The following PAQR3 variants were observed in gnomAD, a reference collection of about 807,000 sequenced individuals.
PAQR3 encodes the protein Raf kinase trapping to Golgi.
In PAQR3, 39 loss-of-function variants were observed where a neutral mutation model predicts 41.7. The observed-to-expected ratio is 0.93, with a 90% CI of 0.72 to 1.22. PAQR3 has a LOEUF of 1.22. Ranked by LOEUF, PAQR3 falls within the 50% of genes most tolerant of loss-of-function variation. The pLI is 0.00. For missense variants in PAQR3, 366 were observed against 385.6 expected, an observed-to-expected ratio of 0.95 and a Z score of 0.42; for synonymous variants, 140 against 140.6, an observed-to-expected ratio of 1.00 and a Z score of 0.03.
chr4:78,902,638 C>T (rs1424472755), intron 11 of PAQR3, among the ~76,000 whole-genome samples: 1 of 152,110 alleles, frequency 6.6e-6, no homozygotes, highest in African/African-American at 2.4e-5. Context: ...CTTCTATAAT[C>T]TGATAGGTAA....
chr4:78,923,798 T>C (rs1321537492), intron 5 of PAQR3, 59 bp downstream of exon 5: 3 of 1,106,664 alleles, frequency 2.7e-6, no homozygotes, highest in African/African-American at 1.5e-5. Flanking sequence ...CTCTGATGCA[T>C]ATACCTTGGG....
chr4:78,923,934 C>G lies in PAQR3; in HGVS notation c.716G>C (p.Arg239Pro), dbSNP rs545126211. The G allele has an allele frequency of 6.2e-6, 10 of 1,612,746 alleles. No individual in the cohort carries two copies. The highest frequency in any genetic ancestry group is 8.5e-6 in the Non-Finnish European group (10 of 1,179,012). The change falls in exon 5 of 6, where the codon CGT (arginine) becomes CCT (proline). Residue 239 changes from arginine to proline, a missense_variant. Coordinates refer to ENST00000512733, the MANE Select transcript of PAQR3 (RefSeq NM_001040202.2). ...AGCAATCATATACATCACAATTACA[C>G]GGGGTGCAAAGTCCTGAAAAGCAGA... ...GAPIVQDFAP[R>P]VIVMYMIALL...
Position 78,916,227 on chromosome 4 carries a change from T to C in PAQR3, c.*4312A>G, listed in dbSNP as rs1460240157. ...ACTTTATTGCCTTTACACTGCTTAT[T>C]CTTTTTGACTGAATTCTGTCCCTGA... is the stretch of plus-strand genomic sequence containing the variant. On this transcript the variant is annotated 3_prime_UTR_variant, in exon 6 of 6. Coordinates refer to ENST00000512733, the MANE Select transcript of PAQR3 (RefSeq NM_001040202.2). 1 of 151,984 alleles carries C rather than the reference T, an allele frequency of 6.6e-6. No individual in the cohort carries two copies. The highest frequency in any genetic ancestry group is 2.4e-5 in the African/African-American group (1 of 41,446). The allele number at this position is 151,984 out of a possible 1,614,324, so 9.4% of individuals were successfully genotyped here.
intron 1 of PAQR3, among the ~76,000 whole-genome samples, chr4:78,937,978 T>C (rs146181590): frequency 2.6e-5 from 4 of 152,324 alleles, no homozygotes; most frequent in African/African-American, 9.6e-5. Flanking sequence ...CGCTTCAAGT[T>C]GTGAATCCTA....
intron 2 of PAQR3, among the ~76,000 whole-genome samples, chr4:78,934,363 G>A (rs887948439): frequency 1.3e-5 from 2 of 152,182 alleles, no homozygotes; most frequent in African/African-American, 2.4e-5. Flanking sequence ...GCAGCAACAG[G>A]CTAACTGCAG....
In PAQR3 at chr4:78,921,648, GACCCATCAAATGCC is replaced by G. The variant is rs888067940; in HGVS notation, c.794-981_794-968del. On this transcript the variant is annotated intron_variant, in intron 5 of 5. Coordinates refer to ENST00000512733, the MANE Select transcript of PAQR3 (RefSeq NM_001040202.2). ...TCCATGGACACCTTGGGGACCCTTGGACCCATCAAATGCCACTGTGTTGTGTATACATTTTTAAA... is the reference window on the plus strand; with the variant it reads ...TCCATGGACACCTTGGGGACCCTTGGACTGTGTTGTGTATACATTTTTAAA... 5.1e-6 allele frequency: 5 copies of G among 979,160 alleles called. No homozygotes were observed. In the African/African-American group the frequency reaches 8.8e-5, roughly 17 times the overall value. The allele number at this position is 979,160 out of a possible 1,614,324, so 60.7% of individuals were successfully genotyped here.
chr4:78,919,964 A>G lies in PAQR3; in HGVS notation c.*575T>C. ...AAAGCTTTTGTTCTGGAAAACTAAA[A>G]TATCTAATGTTCTTAGGGAGAGAAG... On this transcript the variant is annotated 3_prime_UTR_variant, in exon 6 of 6. Coordinates refer to ENST00000512733, the MANE Select transcript of PAQR3 (RefSeq NM_001040202.2). 3 of 985,328 alleles carry G rather than the reference A, an allele frequency of 3.0e-6. No individual in the cohort carries two copies. Among genetic ancestry groups the G allele is most frequent in the Non-Finnish European group, 3.6e-6 (3 of 829,548 alleles). The allele number at this position is 985,328 out of a possible 1,614,324, so 61.0% of individuals were successfully genotyped here.
In PAQR3 at chr4:78,918,252, TATAAAAACA is replaced by T. The variant is rs200185704; in HGVS notation, c.*2278_*2286del. The T allele has an allele frequency of 5.8e-4, 539 of 930,844 alleles. 5 individuals are homozygous for T. The African/African-American group carries it at 7.4e-3, about 13-fold the overall frequency. 57.7% of individuals were successfully genotyped at this position (930,844 alleles called of 1,614,324 possible). Reference sequence around the variant, plus strand: ...AGTATATTTTAATCTTACTTTAATCTATAAAAACAAAAATAACTTAAATATACATCATTA... The same window carrying T: ...AGTATATTTTAATCTTACTTTAATCTAAAATAACTTAAATATACATCATTA... On this transcript the variant is annotated 3_prime_UTR_variant, in exon 6 of 6. Transcript: ENST00000512733.
chr4:78,932,527 C>T (rs1019264910), intron 2 of PAQR3, among the ~76,000 whole-genome samples: 2 of 152,134 alleles, frequency 1.3e-5, no homozygotes, highest in African/African-American at 4.8e-5. Flanking sequence ...GCTATGCATA[C>T]ACAAACATAC....
At chr4:78,894,782 T>A (rs759754358) in intron 11 of PAQR3, among the ~76,000 whole-genome samples, 7 of 152,230 alleles carry the variant, frequency 4.6e-5, no homozygotes, top group Non-Finnish European at 1.0e-4. Flanking sequence ...TTCAGCGTGC[T>A]TTCCTCTCTA....
chr4:78,939,159 G>A lies in PAQR3; in HGVS notation c.66C>T (p.Val22=). ...IELGSYQYWP[V]LVPRGIRLYT... ...ACAGGCGGATGCCACGGGGCACCAG[G>A]ACCGGCCAGTACTGGTAGCTGCCCA... is the stretch of plus-strand genomic sequence containing the variant. Residue 22 remains valine (V), a synonymous_variant, in exon 1 of 6, where the codon GTC becomes GTT. Coordinates refer to ENST00000512733, the MANE Select transcript of PAQR3 (RefSeq NM_001040202.2). 2 of 1,613,782 alleles carry A rather than the reference G, an allele frequency of 1.2e-6. No individual in the cohort carries two copies. Among genetic ancestry groups the A allele is most frequent in the South Asian group, 1.1e-5 (1 of 91,048 alleles).
intron 2 of PAQR3, among the ~76,000 whole-genome samples, chr4:78,934,774 G>A (rs889121056): frequency 6.6e-6 from 1 of 152,158 alleles, no homozygotes; most frequent in African/African-American, 2.4e-5. Flanking sequence ...GGAAAGAGAT[G>A]AGAAATCTTC....
In PAQR3 at chr4:78,930,282, T is replaced by C; in HGVS notation, c.392A>G (p.His131Arg). 1.9e-6 allele frequency: 3 copies of C among 1,613,672 alleles called. No homozygotes were observed. Among genetic ancestry groups the C allele is most frequent in the Non-Finnish European group, 2.5e-6 (3 of 1,179,794 alleles). Reference sequence around the variant, plus strand: ...TCTTCGACATGTTTTTTCTGACCGATGGCAGGAAAAAAGATGATAGCCCAC... The same window carrying C: ...TCTTCGACATGTTTTTTCTGACCGACGGCAGGAAAAAAGATGATAGCCCAC... The part of the protein sequence containing the change: ...CSVGYHLFSC[H>R]RSEKTCRRWM... Residue 131 changes from histidine to arginine, a missense_variant, in exon 3 of 6, where the codon CAT becomes CGT. By Grantham distance (29) the His-to-Arg change is conservative. Transcript: ENST00000512733.
At chr4:78,903,387 A>G (rs988346725) in intron 11 of PAQR3, among the ~76,000 whole-genome samples, 2 of 151,910 alleles carry the variant, frequency 1.3e-5, no homozygotes, top group Non-Finnish European at 2.9e-5. Flanking sequence ...AAGCTTCTTG[A>G]AGTCTGGTAT....
In PAQR3 at chr4:78,914,104, A is replaced by G. The variant is rs572132766; in HGVS notation, c.*6435T>C. The G allele has an allele frequency of 2.2e-3, 328 of 152,142 alleles. 1 individual carries two copies. The highest frequency in any genetic ancestry group is 7.1e-3 in the African/African-American group (295 of 41,528). 9.4% of individuals were successfully genotyped at this position (152,142 alleles called of 1,614,324 possible). ...ATGAAAATCTGTTGAGGTGTACACA[A>G]TATGCTTCTTGATTGTATTAGTCCT... On this transcript the variant is annotated 3_prime_UTR_variant, in exon 6 of 6. Coordinates refer to ENST00000512733, the MANE Select transcript of PAQR3 (RefSeq NM_001040202.2).
At chr4:78,938,017 T>C (rs996070675) in intron 1 of PAQR3, among the ~76,000 whole-genome samples, 2 of 152,194 alleles carry the variant, frequency 1.3e-5, no homozygotes, top group African/African-American at 4.8e-5. Context: ...CAAGTAGGGA[T>C]GGGCAGTGAT....
intron 3 of PAQR3, among the ~76,000 whole-genome samples, chr4:78,929,717 G>A (rs1260527855): frequency 1.3e-5 from 2 of 152,130 alleles, no homozygotes; most frequent in African/African-American, 2.4e-5. Context: ...AAGAATATGG[G>A]CTAATAAATT....
At chr4:78,896,876 A>G (rs1484408071) in intron 11 of PAQR3, among the ~76,000 whole-genome samples, 1 of 152,206 alleles carries the variant, frequency 6.6e-6, no homozygotes, top group Non-Finnish European at 1.5e-5. Flanking sequence ...CTAATGGCCA[A>G]GAGCATGTAC....
At chr4:78,931,677 A>G (rs1736915350) in intron 2 of PAQR3, among the ~76,000 whole-genome samples, 1 of 152,146 alleles carries the variant, frequency 6.6e-6, no homozygotes, top group Non-Finnish European at 1.5e-5. Context: ...GTACATGTGC[A>G]TTTGGAGGGT....
Sources: gnomAD v4.1 joint callset for allele counts (sites outside exome capture counted in the v4.1 genomes callset) on GRCh38, gnomAD v4.1.1 for gene constraint, MANE v1.5 for transcripts, NCBI Gene and HGNC (gene_info 2026-07-23, HGNC 2026-07-21) for gene names.